The following ERGIC1 variants were observed in gnomAD, a reference collection of about 807,000 sequenced individuals.
ERGIC1 encodes the protein endoplasmic reticulum-golgi intermediate compartment 1, also known as endoplasmic reticulum-Golgi intermediate compartment protein 1.
In ERGIC1, 19 loss-of-function variants were observed where a neutral mutation model predicts 38.3. The observed-to-expected ratio is 0.50, with a 90% confidence interval of 0.35 to 0.73. The LOEUF (loss-of-function observed/expected upper bound fraction) is 0.73, where lower values mean the gene tolerates loss of function less well. Among genes scored for constraint, ERGIC1 ranks in the 30% least tolerant of loss-of-function variants. The pLI is 0.01. For synonymous variants in ERGIC1, 124 were observed against 157.6 expected, an observed-to-expected ratio of 0.79 and a Z score of 1.60; for missense variants, 294 against 389.2, an observed-to-expected ratio of 0.76 and a Z score of 2.06.
chr5:172,912,318 T>C (rs1022806087), intron 4 of ERGIC1, among the ~76,000 whole-genome samples: 3 of 152,204 alleles, frequency 2.0e-5, no homozygotes, highest in Non-Finnish European at 4.4e-5. Flanking sequence ...TGGTGAGGTC[T>C]CTGTGCCTCA....
At chr5:172,863,186 A>C (rs1180142107) in intron 1 of ERGIC1, among the ~76,000 whole-genome samples, 2 of 152,168 alleles carry the variant, frequency 1.3e-5, no homozygotes, top group Non-Finnish European at 2.9e-5. Flanking sequence ...CCTGACCTCA[A>C]GTGATCCGCC....
chr5:172,850,921 C>T (rs555731848), intron 1 of ERGIC1, among the ~76,000 whole-genome samples: 6 of 152,198 alleles, frequency 3.9e-5, no homozygotes, highest in African/African-American at 9.6e-5. Context: ...GATTTCCAGC[C>T]GGGCACGGTG....
intron 1 of ERGIC1, among the ~76,000 whole-genome samples, chr5:172,849,127 A>G (rs1051327739): frequency 6.6e-6 from 1 of 152,188 alleles, no homozygotes; most frequent in African/African-American, 2.4e-5. Context: ...GAAGTTGAAG[A>G]CCTGGCTCAG....
At chr5:172,947,610 C>T (rs2113495228) in intron 9 of ERGIC1, among the ~76,000 whole-genome samples, 1 of 152,338 alleles carries the variant, frequency 6.6e-6, no homozygotes, top group African/African-American at 2.4e-5. Flanking sequence ...AGTAGATACT[C>T]ATAGGTAGTC....
At chr5:172,874,236 G>A (rs778736526) in intron 1 of ERGIC1, among the ~76,000 whole-genome samples, 3 of 152,092 alleles carry the variant, frequency 2.0e-5, no homozygotes, top group East Asian at 1.9e-4. Flanking sequence ...ACGCCACCAC[G>A]CCTGGCTACT....
Position 172,885,552 on chromosome 5 carries a change from A to G in ERGIC1, c.21-3147A>G, listed in dbSNP as rs911837526. Among the ~76,000 whole-genome samples, 14 of 152,140 alleles carry G rather than the reference A, an allele frequency of 9.2e-5. 1 individual carries two copies. Among genetic ancestry groups the G allele is most frequent in the Middle Eastern group, 6.3e-3 (2 of 316 alleles). ...TATCGAGCCCCAGGACACGGCTGTCATGCTTTAATCTGCATGGGAACTTTT... is the reference window on the plus strand; with the variant it reads ...TATCGAGCCCCAGGACACGGCTGTCGTGCTTTAATCTGCATGGGAACTTTT... On this transcript the variant is annotated intron_variant, in intron 1 of 9. Coordinates refer to ENST00000393784, the MANE Select transcript of ERGIC1 (RefSeq NM_001031711.3).
At chr5:172,850,922 G>A (rs575767884) in intron 1 of ERGIC1, among the ~76,000 whole-genome samples, 7 of 152,198 alleles carry the variant, frequency 4.6e-5, no homozygotes, top group Admixed American at 2.0e-4. Context: ...ATTTCCAGCC[G>A]GGCACGGTGG....
intron 8 of ERGIC1, chr5:172,934,711 T>C (rs1763849122): frequency 4.9e-6 from 1 of 202,144 alleles, no homozygotes; most frequent in Non-Finnish European, 1.0e-5. Context: ...AGGGATATTC[T>C]TATGTCTTCC....
At chr5:172,871,040 T>C (rs1390079691) in intron 1 of ERGIC1, among the ~76,000 whole-genome samples, 1 of 152,198 alleles carries the variant, frequency 6.6e-6, no homozygotes, top group African/African-American at 2.4e-5. Flanking sequence ...ACACCAATAG[T>C]ATTAATGAGG....
intron 3 of ERGIC1, among the ~76,000 whole-genome samples, chr5:172,905,787 C>A (rs959995113): frequency 5.9e-5 from 9 of 152,178 alleles, no homozygotes; most frequent in Non-Finnish European, 1.2e-4. Flanking sequence ...AGAGTGAAAA[C>A]AGAACTCCCA....
chr5:172,906,140 C>T (rs186482639), intron 3 of ERGIC1: 19 of 456,248 alleles, frequency 4.2e-5, no homozygotes, highest in African/African-American at 3.4e-4. Context: ...CTCTTGGTGG[C>T]CTCTGATTGG....
chr5:172,884,993 A>G (rs1249613902), intron 1 of ERGIC1, among the ~76,000 whole-genome samples: 1 of 152,006 alleles, frequency 6.6e-6, no homozygotes, highest in Non-Finnish European at 1.5e-5. Context: ...TGTATGTAAC[A>G]ATCTCCTATC....
Position 172,943,700 on chromosome 5 carries a change from G to A in ERGIC1, c.766-7009G>A, listed in dbSNP as rs76056648. ...TTCCCAGCCAGGGCCACAGAGCTGG[G>A]ATTGGACCGCAGGAGTGTTTACTCC... On this transcript the variant is annotated intron_variant, in intron 9 of 9. Coordinates refer to ENST00000393784, the MANE Select transcript of ERGIC1 (RefSeq NM_001031711.3). 3.6e-3 allele frequency among the ~76,000 whole-genome samples: 551 copies of A among 152,276 alleles called. 4 individuals carry two copies. The highest frequency in any genetic ancestry group is 0.013 in the African/African-American group (525 of 41,550).
Position 172,834,609 on chromosome 5 carries a change from C to G in ERGIC1, c.20+176C>G, listed in dbSNP as rs1397958639. On this transcript the variant is annotated intron_variant, in intron 1 of 9. Coordinates refer to ENST00000393784, the MANE Select transcript of ERGIC1 (RefSeq NM_001031711.3). This position sits in a 1 kb window ranked among gnomAD's most constrained non-coding sequence, Gnocchi z 4.1. The stretch of plus-strand genomic sequence containing the variant: ...CCCCCCTGCCGCACACGAAGCCAGC[C>G]AGAGCCGCGGAGGCCCCCTCGTGCA... Among the ~76,000 whole-genome samples the G allele has an allele frequency of 8.8e-5, 13 of 148,084 alleles. No homozygotes were observed. Among genetic ancestry groups the G allele is most frequent in the Non-Finnish European group, 3.0e-5 (2 of 66,662 alleles).
chr5:172,841,266 G>T (rs963612045), intron 1 of ERGIC1, among the ~76,000 whole-genome samples: 8 of 152,208 alleles, frequency 5.3e-5, no homozygotes, highest in African/African-American at 1.9e-4. Context: ...GAGAGGCAGG[G>T]TGAACTCAGG....
At chr5:172,894,413 C>G (rs1282130623) in intron 2 of ERGIC1, among the ~76,000 whole-genome samples, 1 of 151,788 alleles carries the variant, frequency 6.6e-6, no homozygotes, top group Non-Finnish European at 1.5e-5. Flanking sequence ...TCAGGCTGGT[C>G]TCGAACTCTT....
At position 172,915,232 on chromosome 5, in the gene ERGIC1, A is replaced by T. The variant is rs909492559; in HGVS notation, c.375+394A>T. On this transcript the variant is annotated intron_variant, in intron 5 of 9. Transcript: ENST00000393784. ...AGTATCACGATACCACCCACTTCACAAAGTTTGTGTGGGGATTAAATGAGC... is the reference window on the plus strand; with the variant it reads ...AGTATCACGATACCACCCACTTCACTAAGTTTGTGTGGGGATTAAATGAGC... 8 of 598,414 alleles carry T rather than the reference A, an allele frequency of 1.3e-5. No individual in the cohort carries two copies. In the South Asian group the frequency reaches 1.6e-4, roughly 12 times the overall value. 37.1% of individuals were successfully genotyped at this position (598,414 alleles called of 1,614,324 possible).
At chr5:172,907,544 C>T (rs1379066699) in intron 3 of ERGIC1, among the ~76,000 whole-genome samples, 1 of 151,068 alleles carries the variant, frequency 6.6e-6, no homozygotes, top group Admixed American at 6.6e-5. Context: ...AGGGACAGAG[C>T]AAGACTCTGT....
intron 1 of ERGIC1, among the ~76,000 whole-genome samples, chr5:172,856,870 T>G (rs1174024140): frequency 1.3e-5 from 2 of 152,124 alleles, no homozygotes; most frequent in Non-Finnish European, 2.9e-5. Context: ...ATTTATGAGG[T>G]GGGAGAAGCA....
Sources: allele counts gnomAD v4.1 joint callset (sites outside exome capture counted in the v4.1 genomes callset), GRCh38; gene constraint gnomAD v4.1.1; non-coding constraint Gnocchi (gnomAD v3.1); transcripts MANE v1.5; gene names NCBI Gene and HGNC (gene_info 2026-07-23, HGNC 2026-07-21).